The following EBF2 variants were observed in gnomAD, a reference collection of about 807,000 sequenced individuals.
EBF2 encodes EBF transcription factor 2.
A neutral mutation model predicts 72.8 loss-of-function variants in EBF2; 21 were observed. That is an observed-to-expected ratio of 0.29 (90% confidence interval 0.20 to 0.42). The LOEUF (loss-of-function observed/expected upper bound fraction) is 0.42. EBF2 is among the 10% of genes least tolerant of loss of function. The probability of loss-of-function intolerance (pLI) is 1.00; values close to 1 mark genes in which losing one functional copy is unlikely to be tolerated. For synonymous variants in EBF2, 299 were observed against 274.2 expected, an observed-to-expected ratio of 1.09 and a Z score of -0.89; for missense variants, 637 against 731.2, an observed-to-expected ratio of 0.87 and a Z score of 1.49.
In EBF2 at chr8:26,037,804, T is replaced by C. The variant is rs149663541; in HGVS notation, c.482+2224A>G. Among the ~76,000 whole-genome samples the C allele has an allele frequency of 1.8e-3, 267 of 152,280 alleles. 1 individual carries two copies. The highest frequency in any genetic ancestry group is 6.4e-3 in the East Asian group (33 of 5,184). ...GCAGGGAAGAGAGGAACAGAGACCA[T>C]TGGGGAAGGGAGAAAAAAAAAGTTA... On this transcript the variant is annotated intron_variant, in intron 5 of 15. Coordinates refer to ENST00000520164, the MANE Select transcript of EBF2 (RefSeq NM_022659.4).
At chr8:25,849,447 G>C (rs895529559) in intron 15 of EBF2, among the ~76,000 whole-genome samples, 1 of 152,174 alleles carries the variant, frequency 6.6e-6, no homozygotes, top group Non-Finnish European at 1.5e-5. Flanking sequence ...GGACAATGCA[G>C]CCCATCCAAG....
intron 6 of EBF2, among the ~76,000 whole-genome samples, chr8:25,925,349 C>T (rs767707328): frequency 6.6e-6 from 1 of 151,934 alleles, no homozygotes; most frequent in Admixed American, 6.6e-5. Flanking sequence ...CTTGTGAGGA[C>T]AAAAACAGGG....
At chr8:25,937,218 C>T (rs944766666) in intron 6 of EBF2, among the ~76,000 whole-genome samples, 4 of 152,112 alleles carry the variant, frequency 2.6e-5, no homozygotes, top group African/African-American at 4.8e-5. Context: ...AAGAAGCAAC[C>T]GTGGATGTTT....
At chr8:25,904,788 A>G (rs539514750) in intron 7 of EBF2, among the ~76,000 whole-genome samples, 111 of 152,334 alleles carry the variant, frequency 7.3e-4, no homozygotes, top group African/African-American at 2.6e-3. Flanking sequence ...TGTCTTCATA[A>G]TAACCTTCTC....
chr8:25,854,461 G>A (rs889814033), intron 14 of EBF2, among the ~76,000 whole-genome samples: 12 of 152,020 alleles, frequency 7.9e-5, no homozygotes, highest in African/African-American at 2.9e-4. Flanking sequence ...TTGATCTTAT[G>A]GCAGAATCTC....
chr8:25,880,647 C>T (rs944206599), intron 10 of EBF2, among the ~76,000 whole-genome samples: 3 of 152,130 alleles, frequency 2.0e-5, no homozygotes. Context: ...ATTATTGAAA[C>T]TTAAAATAGG....
chr8:25,907,177 G>C (rs923174391), intron 7 of EBF2, among the ~76,000 whole-genome samples: 1 of 151,988 alleles, frequency 6.6e-6, no homozygotes, highest in Admixed American at 6.6e-5. Flanking sequence ...CCAGCACTTT[G>C]AGAGGCCTAG....
rs182135002 is a variant in EBF2, at chr8:26,025,344, G to A, written c.551+7741C>T. On this transcript the variant is annotated intron_variant, in intron 6 of 15. Transcript: ENST00000520164. ...TATGCTCCATGAGAGCGGGAACCAT[G>A]CCTATTGTATTCGCTGCTGATCTCT... 3.9e-5 allele frequency among the ~76,000 whole-genome samples: 6 copies of A among 152,228 alleles called. No homozygotes were observed. The East Asian group carries it at 9.7e-4, about 25-fold the overall frequency.
intron 6 of EBF2, among the ~76,000 whole-genome samples, chr8:25,973,288 C>T (rs1200174201): frequency 6.6e-6 from 1 of 152,170 alleles, no homozygotes; most frequent in Non-Finnish European, 1.5e-5. Context: ...CTGATTCCAT[C>T]CTTTTAGCTA....
chr8:26,000,310 C>T (rs1286249779), intron 6 of EBF2, among the ~76,000 whole-genome samples: 1 of 152,166 alleles, frequency 6.6e-6, no homozygotes, highest in Non-Finnish European at 1.5e-5. Context: ...CCATCATCAT[C>T]AATATCGCTA....
chr8:25,851,953 T>TAAAGCACTTATATAGC (rs1321826736), intron 14 of EBF2, among the ~76,000 whole-genome samples: 2 of 152,206 alleles, frequency 1.3e-5, no homozygotes, highest in African/African-American at 4.8e-5. Flanking sequence ...ATTGCCTGTA[T>TAAAGCACTTATATAGC]AAAGCACTTA....
At chr8:25,937,897 G>A (rs1803605224) in intron 6 of EBF2, among the ~76,000 whole-genome samples, 1 of 152,108 alleles carries the variant, frequency 6.6e-6, no homozygotes, top group Admixed American at 6.5e-5. Context: ...TCAAATAGCT[G>A]AGGGCTCCCC....
At chr8:25,869,349 T>C (rs1321627195) in intron 10 of EBF2, among the ~76,000 whole-genome samples, 2 of 152,088 alleles carry the variant, frequency 1.3e-5, no homozygotes, top group Non-Finnish European at 2.9e-5. Context: ...TCAGGGTGGT[T>C]GTTGGTGTCT....
At chr8:25,996,614 A>G (rs1417738486) in intron 6 of EBF2, among the ~76,000 whole-genome samples, 3 of 152,142 alleles carry the variant, frequency 2.0e-5, no homozygotes, top group African/African-American at 7.2e-5. Context: ...AGAAAAACTA[A>G]AAAATAAACT....
intron 7 of EBF2, among the ~76,000 whole-genome samples, chr8:25,899,568 C>T (rs982763282): frequency 1.8e-4 from 27 of 152,286 alleles, no homozygotes; most frequent in African/African-American, 6.3e-4. Flanking sequence ...AAACATTCAA[C>T]ATTTTTTATT....
At chr8:25,981,942 T>C (rs1382131260) in intron 6 of EBF2, among the ~76,000 whole-genome samples, 2 of 152,142 alleles carry the variant, frequency 1.3e-5, no homozygotes, top group African/African-American at 2.4e-5. Flanking sequence ...GGTTTCACAA[T>C]TGGATAATAG....
At chr8:25,935,200 T>G (rs1585200509) in intron 6 of EBF2, among the ~76,000 whole-genome samples, 1 of 151,336 alleles carries the variant, frequency 6.6e-6, no homozygotes, top group African/African-American at 2.4e-5. Flanking sequence ...GAAGTGGGGG[T>G]GTTGCTGCAG....
intron 6 of EBF2, among the ~76,000 whole-genome samples, chr8:25,943,970 C>T (rs1803723546): frequency 6.6e-6 from 1 of 152,106 alleles, no homozygotes; most frequent in Admixed American, 6.6e-5. Flanking sequence ...GAACAGGGTC[C>T]CAGTTGTGTC....
rs139708921 is a variant in EBF2, at chr8:25,858,728, T to C, written c.1343-224A>G. 8.4e-3 allele frequency among the ~76,000 whole-genome samples: 1,247 copies of C among 148,228 alleles called. 20 individuals carry two copies. Among genetic ancestry groups the C allele is most frequent in the African/African-American group, 0.03 (1,188 of 39,600 alleles). ...AGGCTGGAGTACAGTGGCACGATCTTGGCTCACTGCAACCTCTGCTGCCCG... is the reference window on the plus strand; with the variant it reads ...AGGCTGGAGTACAGTGGCACGATCTCGGCTCACTGCAACCTCTGCTGCCCG... On this transcript the variant is annotated intron_variant, in intron 13 of 15. Coordinates refer to ENST00000520164, the MANE Select transcript of EBF2 (RefSeq NM_022659.4).
Sources: gnomAD v4.1 joint callset for allele counts (sites outside exome capture counted in the v4.1 genomes callset) on GRCh38, gnomAD v4.1.1 for gene constraint, MANE v1.5 for transcripts, NCBI Gene and HGNC (gene_info 2026-07-23, HGNC 2026-07-21) for gene names.